Variants in COL22A1 observed in about 807,000 individuals in gnomAD.
COL22A1 encodes collagen alpha-1(XXII) chain.
Under a neutral mutation model 248.9 loss-of-function variants are expected in COL22A1, and 221 were observed. The observed-to-expected ratio is 0.89, with a 90% CI of 0.80 to 0.99. The LOEUF (loss-of-function observed/expected upper bound fraction) is 0.99, where lower values mean the gene tolerates loss of function less well. Among genes scored for constraint, COL22A1 ranks in the 50% least tolerant of loss-of-function variants. The probability of loss-of-function intolerance (pLI) is 0.00; values close to 1 mark genes in which losing one functional copy is unlikely to be tolerated. For synonymous variants in COL22A1, 891 were observed against 793.4 expected (o/e 1.12, Z -2.07); for missense variants, 2,240 against 2,179.0 (o/e 1.03, Z -0.56).
rs772048596 is a variant in COL22A1 at position 138,821,413 on chromosome 8, T to A, written c.970-2A>T. The A allele has an allele frequency of 1.2e-6, 2 of 1,610,904 alleles. No individual in the cohort carries two copies. The highest frequency in any genetic ancestry group is 3.3e-5 in the Admixed American group (2 of 59,948). On this transcript the variant is annotated splice_acceptor_variant, in intron 6 of 64. Transcript: ENST00000303045. LOFTEE classifies it high-confidence loss of function. Reference sequence around the variant, plus strand: ...TTCACCATCCAGCCGGATGGAGACCTGGGGAGGAAAGGACCAGAGACTCCT... The same window carrying A: ...TTCACCATCCAGCCGGATGGAGACCAGGGGAGGAAAGGACCAGAGACTCCT...
intron 5 of COL22A1, 27 bp downstream of exon 5, chr8:138,833,012 G>A (rs376066588): frequency 3.6e-5 from 52 of 1,457,968 alleles, no homozygotes; most frequent in Non-Finnish European, 5.0e-5. Flanking sequence ...ACCCTGGGCA[G>A]GTCTGGAAAG....
chr8:138,882,998 T>G (rs1824356931), intron 2 of COL22A1, 84 bp downstream of exon 2: 2 of 1,231,090 alleles, frequency 1.6e-6, no homozygotes, highest in Non-Finnish European at 2.3e-6. Flanking sequence ...CTCACTTGCA[T>G]GCACACACCA....
In COL22A1 at chr8:138,779,504, C is replaced by G. The variant is rs1814759294; in HGVS notation, c.1704+5G>C. The stretch of plus-strand genomic sequence containing the variant: ...CAGAAGGGCCCAGCTCACAGCAACA[C>G]TCACCCGCATGCCGACCTCACCCGG... On this transcript the variant is annotated splice_donor_5th_base_variant and intron_variant, in intron 14 of 64. Transcript: ENST00000303045. 1 of 1,609,724 alleles carries G rather than the reference C, an allele frequency of 6.2e-7. No homozygotes were observed. The highest frequency in any genetic ancestry group is 1.3e-5 in the African/African-American group (1 of 74,828).
At chr8:138,778,763 T>A (rs1156600388) in intron 14 of COL22A1, among the ~76,000 whole-genome samples, 1 of 152,222 alleles carries the variant, frequency 6.6e-6, no homozygotes, top group East Asian at 1.9e-4. Flanking sequence ...TGGGTCTGGA[T>A]ATGTTCATAG....
intron 47 of COL22A1, among the ~76,000 whole-genome samples, chr8:138,642,130 C>A (rs1026013620): frequency 6.6e-6 from 1 of 152,154 alleles, no homozygotes; most frequent in Non-Finnish European, 1.5e-5. Context: ...AAGCATTGCA[C>A]CCCATTAGGA....
chr8:138,652,743 T>TTTTTTTG (rs1822869762), intron 45 of COL22A1, among the ~76,000 whole-genome samples: 1 of 91,910 alleles, frequency 1.1e-5, no homozygotes, highest in Non-Finnish European at 2.2e-5. Context: ...TGGTTTTTTT[T>TTTTTTTG]TTTTTTTTTT....
At position 138,606,408 on chromosome 8, in the gene COL22A1, A is replaced by G. The variant is rs1267842693; in HGVS notation, c.4077T>C (p.Pro1359=). The part of the protein sequence containing the change: ...SKGENGSPGL[P]GFLGPRGPPG... The stretch of plus-strand genomic sequence containing the variant: ...GAGGCCCACGGGGACCCAGGAAGCC[A>G]GGAAGTCCTGGGCTGCCATTTTCCC... The change falls in exon 58 of 65, where the codon CCT becomes CCC. Residue 1359 remains proline (P), a synonymous_variant. Transcript: ENST00000303045. 1 of 1,613,530 alleles carries G rather than the reference A, an allele frequency of 6.2e-7. No individual in the cohort carries two copies. The highest frequency in any genetic ancestry group is 8.5e-7 in the Non-Finnish European group (1 of 1,179,860).
chr8:138,767,522 C>G (rs538854651), intron 16 of COL22A1, among the ~76,000 whole-genome samples: 1 of 152,222 alleles, frequency 6.6e-6, no homozygotes, highest in Non-Finnish European at 1.5e-5. Context: ...TAGGAGAACT[C>G]TACTCTGATT....
At chr8:138,619,391 G>GT (rs1819578145) in intron 53 of COL22A1, 64 bp downstream of exon 53, 1 of 1,460,916 alleles carries the variant, frequency 6.8e-7, no homozygotes, top group African/African-American at 1.4e-5. Flanking sequence ...CCTGCTCACA[G>GT]TGGTGAGAGC....
At chr8:138,848,472 A>G (rs1033385067) in intron 3 of COL22A1, among the ~76,000 whole-genome samples, 2 of 152,150 alleles carry the variant, frequency 1.3e-5, no homozygotes, top group African/African-American at 4.8e-5. Flanking sequence ...CCAAATGGCA[A>G]AAGGGGGGCA....
Position 138,589,091 on chromosome 8 carries a change from A to G in COL22A1, c.*162T>C, listed in dbSNP as rs1816818362. ...ACCGGCAGCGTCTGTTGGATTTAAT[A>G]ATTTTGAGGTCTCTCAAGAAAATAA... On this transcript the variant is annotated 3_prime_UTR_variant, in exon 65 of 65. Coordinates refer to ENST00000303045, the MANE Select transcript of COL22A1 (RefSeq NM_152888.3). 1 of 640,904 alleles carries G rather than the reference A, an allele frequency of 1.6e-6. No individual in the cohort carries two copies. The highest frequency in any genetic ancestry group is 2.7e-6 in the Non-Finnish European group (1 of 368,078). The allele number at this position is 640,904 out of a possible 1,614,324, so 39.7% of individuals were successfully genotyped here.
At chr8:138,677,665 G>A (rs1438888468) in intron 40 of COL22A1, among the ~76,000 whole-genome samples, 1 of 152,242 alleles carries the variant, frequency 6.6e-6, no homozygotes, top group Non-Finnish European at 1.5e-5. Context: ...AAGGATTAAT[G>A]TGCTTGATTA....
At chr8:138,732,130 T>G (rs1830756378) in intron 23 of COL22A1, among the ~76,000 whole-genome samples, 1 of 152,214 alleles carries the variant, frequency 6.6e-6, no homozygotes, top group African/African-American at 2.4e-5. Context: ...AAAGCCCCTT[T>G]CCCTTCCTCT....
chr8:138,724,847 G>T (rs940301400), intron 24 of COL22A1, among the ~76,000 whole-genome samples, 179 bp from the exon 25 acceptor site: 1 of 152,190 alleles, frequency 6.6e-6, no homozygotes, highest in Non-Finnish European at 1.5e-5. Context: ...AAGTTGACAC[G>T]TCCGTGGCTT....
chr8:138,866,727 C>G (rs1030738294), intron 3 of COL22A1, among the ~76,000 whole-genome samples: 2 of 152,238 alleles, frequency 1.3e-5, no homozygotes, highest in Non-Finnish European at 2.9e-5. Context: ...GAACCTCAAA[C>G]CCCTTCTAGT....
In COL22A1 at chr8:138,589,409, A is replaced by T. The variant is rs764907766; in HGVS notation, c.4725T>A (p.Asp1575Glu). ...GAGGGCCAGGGATCCCAGGAAGTCCATCTTTAGCATAGCCAGGTTCCCCGG... is the reference window on the plus strand; with the variant it reads ...GAGGGCCAGGGATCCCAGGAAGTCCTTCTTTAGCATAGCCAGGTTCCCCGG... ...GQPGEPGYAK[D>E]GLPGIPGPQG... Residue 1575 changes from aspartate (D) to glutamate (E), a missense_variant, in exon 65 of 65, where the codon GAT becomes GAA. Physicochemically the swap from Asp to Glu is conservative, Grantham distance 45. Transcript: ENST00000303045. 6.3e-7 allele frequency: 1 copy of T among 1,585,244 alleles called. No individual in the cohort carries two copies. Among genetic ancestry groups the T allele is most frequent in the Admixed American group, 1.8e-5 (1 of 54,162 alleles).
At chr8:138,716,187 C>G (rs545942848) in intron 29 of COL22A1, 40 bp downstream of exon 29, 2 of 1,508,088 alleles carry the variant, frequency 1.3e-6, no homozygotes, top group Non-Finnish European at 1.8e-6. Flanking sequence ...TGGAGATGGG[C>G]GAGGTTCCTG....
Position 138,809,065 on chromosome 8 carries a change from TA to T in COL22A1, c.1450-1254del, listed in dbSNP as rs201510873. Among the ~76,000 whole-genome samples the T allele has an allele frequency of 6.1e-3, 705 of 114,802 alleles. 9 individuals are homozygous for T. Among genetic ancestry groups the T allele is most frequent in the East Asian group, 0.055 (219 of 3,994 alleles). 75.3% of individuals were successfully genotyped at this position (114,802 alleles called of 152,430 possible). On this transcript the variant is annotated intron_variant, in intron 9 of 64. Coordinates refer to ENST00000303045, the MANE Select transcript of COL22A1 (RefSeq NM_152888.3). ...CAGACTTCCTAGGCCCCCTGTGTTG[TA>T]TTTTTTTTTTTTTATTGAAACGAAG...
Position 138,877,973 on chromosome 8 carries a change from C to A in COL22A1, c.435G>T (p.Val145=). The change falls in exon 3 of 65, where the codon GTG becomes GTT. Residue 145 remains valine (V), a synonymous_variant. Coordinates refer to ENST00000303045, the MANE Select transcript of COL22A1 (RefSeq NM_152888.3). ...TGCGGCCGTCGGTGAGCAGGATGGCCACCTGCTTGTAGGCGCGGTCCCTGG... is the reference window on the plus strand; with the variant it reads ...TGCGGCCGTCGGTGAGCAGGATGGCAACCTGCTTGTAGGCGCGGTCCCTGG... ...GRPRDRAYKQ[V]AILLTDGRSQ... The A allele has an allele frequency of 6.3e-7, 1 of 1,591,990 alleles. No homozygotes were observed. The highest frequency in any genetic ancestry group is 1.3e-5 in the African/African-American group (1 of 74,528).
Sources: allele counts gnomAD v4.1 joint callset (sites outside exome capture counted in the v4.1 genomes callset), GRCh38; gene constraint gnomAD v4.1.1; transcripts MANE v1.5; gene names NCBI Gene and HGNC (gene_info 2026-07-23, HGNC 2026-07-21).